Variants in ABCC4 observed in about 807,000 individuals in gnomAD.
ABCC4 encodes ATP binding cassette subfamily C member 4 (PEL blood group), also known as ATP-binding cassette sub-family C member 4.
In ABCC4, 102 loss-of-function variants were observed where a neutral mutation model predicts 168.5. The observed-to-expected ratio is 0.61, with a 90% CI of 0.52 to 0.71. ABCC4 has a LOEUF of 0.71. Among genes scored for constraint, ABCC4 ranks in the 30% least tolerant of loss-of-function variants. The pLI is 0.00. For synonymous variants in ABCC4, 617 were observed against 590.7 expected (o/e 1.04, Z -0.65); for missense variants, 1,402 against 1,605.8 (o/e 0.87, Z 2.17).
At chr13:95,269,849 GA>G (rs2040798960) in intron 1 of ABCC4, among the ~76,000 whole-genome samples, 1 of 152,026 alleles carries the variant, frequency 6.6e-6, no homozygotes, top group African/African-American at 2.4e-5. Context: ...GAAAAGAAAA[GA>G]ATAGAGAAAA....
chr13:95,274,941 G>A (rs760647334), intron 1 of ABCC4, among the ~76,000 whole-genome samples: 12 of 152,150 alleles, frequency 7.9e-5, no homozygotes, highest in Non-Finnish European at 1.6e-4. Context: ...GCCAGGTGTG[G>A]TGGTGGGTGC....
chr13:95,032,965 CTTTTTTTTTT>C (rs74329595), intron 30 of ABCC4, among the ~76,000 whole-genome samples: 6 of 86,238 alleles, frequency 7.0e-5, no homozygotes, highest in Admixed American at 3.8e-4. Flanking sequence ...CACGCCTGGT[CTTTTTTTTTT>C]TTTTTTTTTT....
At chr13:95,172,611 T>TA (rs906417880) in intron 13 of ABCC4, among the ~76,000 whole-genome samples, 5 of 147,180 alleles carry the variant, frequency 3.4e-5, no homozygotes, top group African/African-American at 1.2e-4. Flanking sequence ...AGCTGACACA[T>TA]ACAATGTTGG....
At chr13:95,233,055 C>G (rs1218477054) in intron 4 of ABCC4, among the ~76,000 whole-genome samples, 1 of 152,118 alleles carries the variant, frequency 6.6e-6, no homozygotes, top group African/African-American at 2.4e-5. Context: ...CTGTACTGAA[C>G]ACACACAGAT....
Position 95,243,893 on chromosome 13 carries a change from A to C in ABCC4, c.306+3082T>G, listed in dbSNP as rs552520717. 1.9e-3 allele frequency among the ~76,000 whole-genome samples: 188 copies of C among 99,762 alleles called. 1 individual carries two copies. Among genetic ancestry groups the C allele is most frequent in the Admixed American group, 3.7e-3 (41 of 11,158 alleles). 65.4% of individuals were successfully genotyped at this position (99,762 alleles called of 152,430 possible). ...AGAGTGAGACCCCACCTCAGACGAA[A>C]ACATAAAAAAAAAAAAAGAGTTCGT... On this transcript the variant is annotated intron_variant, in intron 3 of 30. Transcript: ENST00000645237.
Position 95,178,032 on chromosome 13 carries a change from C to T in ABCC4, c.1605G>A (p.Leu535=). ...LTVIGDRGTT[L]SGGQKARVNL... is the part of the protein sequence containing the mutation. ...TTACCCGTGCTTTCTGCCCTCCACT[C>T]AGCGTGGTTCCCCGATCTCCTATCA... is the stretch of plus-strand genomic sequence containing the variant. The change falls in exon 12 of 31, where the codon CTG becomes CTA. Residue 535 remains leucine, a synonymous_variant. Coordinates refer to ENST00000645237, the MANE Select transcript of ABCC4 (RefSeq NM_005845.5). 6.2e-7 allele frequency: 1 copy of T among 1,614,226 alleles called. No homozygotes were observed.
At chr13:95,257,481 A>C (rs910595805) in intron 1 of ABCC4, among the ~76,000 whole-genome samples, 1 of 152,144 alleles carries the variant, frequency 6.6e-6, no homozygotes, top group Non-Finnish European at 1.5e-5. Flanking sequence ...CAGCCTGGCC[A>C]ACAATGGTGA....
intron 11 of ABCC4, among the ~76,000 whole-genome samples, chr13:95,180,397 T>C (rs1347079695): frequency 6.6e-6 from 1 of 151,944 alleles, no homozygotes; most frequent in African/African-American, 2.4e-5. Context: ...CTACTAAACA[T>C]ACAAAATTAG....
In ABCC4 at chr13:95,087,433, A is replaced by G. The variant is rs560684629; in HGVS notation, c.2536-4143T>C. On this transcript the variant is annotated intron_variant, in intron 20 of 30. Transcript: ENST00000645237. ...ACTTGGGAGGCTGAGGCTTGCAGTG[A>G]GCCGAGATCATGCCACTGCACTCCA... Among the ~76,000 whole-genome samples the G allele has an allele frequency of 3.2e-4, 49 of 152,214 alleles. 1 individual carries two copies. Among genetic ancestry groups the G allele is most frequent in the African/African-American group, 1.2e-3 (48 of 41,528 alleles).
chr13:95,239,145 C>G (rs8000289), intron 3 of ABCC4, among the ~76,000 whole-genome samples: 2,798 of 145,714 alleles, frequency 0.019, 87 homozygotes, highest in African/African-American at 0.068. Context: ...ATTATCTACC[C>G]TAAGGACAAT....
chr13:95,255,414 A>AT (rs1316011691), intron 1 of ABCC4, among the ~76,000 whole-genome samples: 1 of 152,162 alleles, frequency 6.6e-6, no homozygotes, highest in Non-Finnish European at 1.5e-5. Flanking sequence ...GCCATTCTCC[A>AT]TGCCCTAAAG....
intron 30 of ABCC4, among the ~76,000 whole-genome samples, chr13:95,022,808 C>A (rs2031168910): frequency 6.6e-6 from 1 of 152,168 alleles, no homozygotes; most frequent in African/African-American, 2.4e-5. Flanking sequence ...TGCTGAGACA[C>A]CTGCCTACAT....
At chr13:95,152,587 T>C (rs1311535825) in intron 19 of ABCC4, among the ~76,000 whole-genome samples, 1 of 152,220 alleles carries the variant, frequency 6.6e-6, no homozygotes, top group African/African-American at 2.4e-5. Context: ...GTAACTATCA[T>C]TTTCATAAAC....
chr13:95,074,365 T>C, intron 22 of ABCC4, 41 bp from the exon 23 acceptor site: 1 of 1,501,590 alleles, frequency 6.7e-7, no homozygotes, highest in Non-Finnish European at 9.2e-7. Flanking sequence ...AATAAGTAGA[T>C]GAATGTGCGA....
intron 25 of ABCC4, among the ~76,000 whole-genome samples, chr13:95,065,294 T>A (rs144657962): frequency 2.6e-5 from 4 of 152,194 alleles, no homozygotes; most frequent in Non-Finnish European, 4.4e-5. Context: ...AAACAAAAAC[T>A]CTTTTGCTAG....
chr13:95,267,026 A>T (rs902023001), intron 1 of ABCC4, among the ~76,000 whole-genome samples: 1 of 151,854 alleles, frequency 6.6e-6, no homozygotes, highest in Non-Finnish European at 1.5e-5. Context: ...GGTACCTGCC[A>T]CCATGCCCAG....
chr13:95,286,122 A>ATTTTTTTTTTTTTT (rs2041249261), intron 1 of ABCC4, among the ~76,000 whole-genome samples: 7 of 51,686 alleles, frequency 1.4e-4, no homozygotes, highest in Non-Finnish European at 2.5e-4. Flanking sequence ...TTCCAGAAAA[A>ATTTTTTTTTTTTTT]CTTTTTTTTT....
intron 20 of ABCC4, among the ~76,000 whole-genome samples, chr13:95,110,236 G>A (rs2035156473): frequency 6.7e-6 from 1 of 150,022 alleles, no homozygotes; most frequent in African/African-American, 2.5e-5. Context: ...TTGAACCCAG[G>A]AGGCGGAGGT....
chr13:95,031,348 G>C (rs2031867770), intron 30 of ABCC4, among the ~76,000 whole-genome samples: 1 of 152,160 alleles, frequency 6.6e-6, no homozygotes, highest in African/African-American at 2.4e-5. Flanking sequence ...CTGCATCTTG[G>C]ATACCAAATG....
Sources: allele counts gnomAD v4.1 joint callset (sites outside exome capture counted in the v4.1 genomes callset), GRCh38; gene constraint gnomAD v4.1.1; transcripts MANE v1.5; gene names NCBI Gene and HGNC (gene_info 2026-07-23, HGNC 2026-07-21).